Variants in IL1RAPL2 observed in about 807,000 individuals in gnomAD.
The protein encoded by IL1RAPL2 is X-linked interleukin-1 receptor accessory protein-like 2.
In IL1RAPL2, 3 loss-of-function variants were observed where a neutral mutation model predicts 44.1. The ratio of observed to expected loss-of-function variants is 0.07; its 90% CI spans 0.03 to 0.18. The LOEUF is 0.18. Among genes scored for constraint, IL1RAPL2 ranks in the 10% least tolerant of loss-of-function variants. The pLI is 1.00. For missense variants in IL1RAPL2, 391 were observed against 496.4 expected (o/e 0.79, Z 2.02); for synonymous variants, 181 against 178.8 (o/e 1.01, Z -0.10).
chrX:105,343,972 G>A (rs1427583420), intron 5 of IL1RAPL2, among the ~76,000 whole-genome samples: 1 of 106,856 alleles, frequency 9.4e-6, no homozygotes, highest in Non-Finnish European at 1.9e-5. Context: ...TTGGCTCACT[G>A]TAATCTCCAT....
chrX:105,691,325 A>T lies in IL1RAPL2; in HGVS notation c.773-26042A>T, dbSNP rs1370871059. 4.5e-5 allele frequency among the ~76,000 whole-genome samples: 5 copies of T among 111,273 alleles called. No individual in the cohort carries two copies. In the South Asian group the frequency reaches 1.5e-3, roughly 34 times the overall value. The stretch of plus-strand genomic sequence containing the variant: ...CAAATCAATCAGATGGTCTCTTCCC[A>T]TTCTTCAATTCTTAATTGAACTTGA... On this transcript the variant is annotated intron_variant, in intron 6 of 10. Transcript: ENST00000372582.
At chrX:104,761,809 T>C (rs1932433117) in intron 2 of IL1RAPL2, among the ~76,000 whole-genome samples, 1 of 89,786 alleles carries the variant, frequency 1.1e-5, no homozygotes, top group African/African-American at 4.8e-5. Flanking sequence ...ATCATCTCCT[T>C]CTCTTTCTCC....
At chrX:105,484,571 CA>C (rs1306833591) in intron 6 of IL1RAPL2, among the ~76,000 whole-genome samples, 184 bp downstream of exon 6, 1 of 111,975 alleles carries the variant, frequency 8.9e-6, no homozygotes, top group African/African-American at 3.2e-5. Context: ...TGTATTGCAT[CA>C]AAAAATGGTA....
chrX:105,237,780 T>G (rs1247393234), intron 4 of IL1RAPL2, among the ~76,000 whole-genome samples: 1 of 111,499 alleles, frequency 9.0e-6, no homozygotes, highest in Non-Finnish European at 1.9e-5. Context: ...TTTCTCCCAT[T>G]CTGTAGGTTG....
At chrX:105,653,030 T>A (rs1045788536) in intron 6 of IL1RAPL2, among the ~76,000 whole-genome samples, 1 of 110,867 alleles carries the variant, frequency 9.0e-6, no homozygotes, top group Non-Finnish European at 1.9e-5. Flanking sequence ...CTATGAGGGA[T>A]AAAAGAGAAG....
At chrX:105,281,324 G>T (rs758979838) in intron 5 of IL1RAPL2, among the ~76,000 whole-genome samples, 16 of 111,395 alleles carry the variant, frequency 1.4e-4, no homozygotes, top group African/African-American at 5.2e-4. Context: ...CCTAATGTAG[G>T]TAACGGGTTG....
chrX:104,619,988 G>T (rs977882992), intron 1 of IL1RAPL2, among the ~76,000 whole-genome samples: 6 of 111,101 alleles, frequency 5.4e-5, no homozygotes, highest in Non-Finnish European at 9.4e-5. Flanking sequence ...TAGCATTCTA[G>T]GGAGAGAGGA....
chrX:104,637,591 T>C (rs1929841786), intron 1 of IL1RAPL2, among the ~76,000 whole-genome samples: 1 of 111,439 alleles, frequency 9.0e-6, no homozygotes, highest in South Asian at 3.8e-4. Context: ...GTATGTTTTT[T>C]TCGTTCATGT....
chrX:104,800,185 T>G (rs1209441216), intron 2 of IL1RAPL2, among the ~76,000 whole-genome samples: 1 of 111,557 alleles, frequency 9.0e-6, no homozygotes, highest in East Asian at 2.8e-4. Context: ...ACAGGGACAT[T>G]GTAATTAGAC....
At chrX:104,914,394 A>T (rs1182995701) in intron 2 of IL1RAPL2, among the ~76,000 whole-genome samples, 3 of 111,858 alleles carry the variant, frequency 2.7e-5, no homozygotes, top group Non-Finnish European at 3.8e-5. Flanking sequence ...ATGCTAAAAA[A>T]GGAAAGTGTC....
intron 6 of IL1RAPL2, among the ~76,000 whole-genome samples, chrX:105,594,165 T>C (rs1352307524): frequency 8.9e-6 from 1 of 112,117 alleles, no homozygotes; most frequent in Non-Finnish European, 1.9e-5. Flanking sequence ...CCATTTTCTA[T>C]GCTCAGAACA....
At chrX:104,662,829 G>A (rs774504329) in intron 2 of IL1RAPL2, among the ~76,000 whole-genome samples, 4 of 112,004 alleles carry the variant, frequency 3.6e-5, no homozygotes, top group Non-Finnish European at 7.5e-5. Context: ...AGTTCTTCCA[G>A]CATGGACCTC....
chrX:105,611,263 TAAA>T (rs1236077800), intron 6 of IL1RAPL2, among the ~76,000 whole-genome samples: 1 of 112,078 alleles, frequency 8.9e-6, no homozygotes, highest in Non-Finnish European at 1.9e-5. Flanking sequence ...TTTTATAAAA[TAAA>T]AAAGTTATAG....
intron 6 of IL1RAPL2, among the ~76,000 whole-genome samples, chrX:105,679,296 A>AACTC (rs2037902029): frequency 8.9e-6 from 1 of 112,081 alleles, no homozygotes; most frequent in Non-Finnish European, 1.9e-5. Flanking sequence ...CTATGATTTA[A>AACTC]ACTCAGAAAG....
chrX:104,667,469 A>G (rs759445654), intron 2 of IL1RAPL2, among the ~76,000 whole-genome samples: 25 of 111,217 alleles, frequency 2.2e-4, no homozygotes, highest in Non-Finnish European at 4.5e-4. Context: ...CTTTACATAC[A>G]TTGTCTCCTA....
intron 2 of IL1RAPL2, among the ~76,000 whole-genome samples, chrX:105,106,992 C>T (rs192939948): frequency 1.8e-5 from 2 of 111,893 alleles, no homozygotes; most frequent in Non-Finnish European, 3.8e-5. Flanking sequence ...GACTCATACA[C>T]AACTGATTAT....
chrX:104,869,285 C>T (rs189396255), intron 2 of IL1RAPL2, among the ~76,000 whole-genome samples: 1,419 of 110,590 alleles, frequency 0.013, 11 homozygotes, highest in Non-Finnish European at 0.021. Flanking sequence ...TATATGTATA[C>T]AATGTAGAAT....
intron 5 of IL1RAPL2, among the ~76,000 whole-genome samples, chrX:105,448,167 C>A (rs1216898298): frequency 1.9e-5 from 2 of 107,260 alleles, no homozygotes; most frequent in Non-Finnish European, 3.8e-5. Context: ...TTTTAGGATC[C>A]TTTTATCCTT....
intron 2 of IL1RAPL2, among the ~76,000 whole-genome samples, chrX:104,880,318 C>T (rs745753023): frequency 9.0e-6 from 1 of 111,330 alleles, no homozygotes; most frequent in African/African-American, 3.3e-5. Flanking sequence ...TGGCACCCTT[C>T]CTAACCCCCA....
Sources: gnomAD v4.1 joint callset for allele counts (sites outside exome capture counted in the v4.1 genomes callset) on GRCh38, gnomAD v4.1.1 for gene constraint, MANE v1.5 for transcripts, NCBI Gene and HGNC (gene_info 2026-07-23, HGNC 2026-07-21) for gene names.